Variants in TENM3 observed in about 807,000 individuals in gnomAD.
TENM3 encodes teneurin-3.
Under a neutral mutation model 255.1 loss-of-function variants are expected in TENM3, and 63 were observed. The ratio of observed to expected loss-of-function variants is 0.25; its 90% CI spans 0.20 to 0.30. The LOEUF (loss-of-function observed/expected upper bound fraction) is 0.30, where lower values mean the gene tolerates loss of function less well. TENM3 is among the 10% of genes least tolerant of loss of function. TENM3 has a pLI of 1.00. For synonymous variants in TENM3, 1,306 were observed against 1,322.3 expected (o/e 0.99, Z 0.27); for missense variants, 2,929 against 3,461.1 (o/e 0.85, Z 3.86).
intron 1 of TENM3, among the ~76,000 whole-genome samples, chr4:182,282,238 C>T (rs1458270540): frequency 6.6e-6 from 1 of 152,162 alleles, no homozygotes; most frequent in African/African-American, 2.4e-5. Context: ...TTCCCATAGG[C>T]ATGCCCAACC....
chr4:182,211,829 C>T (rs541355488), intron 1 of TENM3, among the ~76,000 whole-genome samples: 12 of 151,878 alleles, frequency 7.9e-5, no homozygotes, highest in Middle Eastern at 3.4e-3. Context: ...TTTTACTTAC[C>T]GTGTGACTTT....
chr4:182,061,975 GA>G, the TENM3 span, among the ~76,000 whole-genome samples: 1 of 152,042 alleles, frequency 6.6e-6, no homozygotes, highest in African/African-American at 2.4e-5. Flanking sequence ...TAAAAAATTA[GA>G]AAATTAAAAA....
chr4:181,519,995 G>T, the TENM3 span, among the ~76,000 whole-genome samples: 1 of 152,142 alleles, frequency 6.6e-6, no homozygotes, highest in Admixed American at 6.5e-5. Flanking sequence ...CCCAATATTT[G>T]CAGCAAAAAA....
chr4:182,445,432 AC>A (rs760813478), intron 3 of TENM3, among the ~76,000 whole-genome samples: 2 of 152,152 alleles, frequency 1.3e-5, no homozygotes, highest in African/African-American at 2.4e-5. Context: ...TTGTATTAGC[AC>A]CTCTGACAAT....
chr4:182,781,887 G>A (rs1302376290), intron 24 of TENM3, among the ~76,000 whole-genome samples: 1 of 151,356 alleles, frequency 6.6e-6, no homozygotes, highest in Non-Finnish European at 1.5e-5. Context: ...ATTTCTGTGG[G>A]ATCGGTGGTG....
At chr4:182,404,086 G>T (rs1769389506) in intron 3 of TENM3, among the ~76,000 whole-genome samples, 1 of 152,120 alleles carries the variant, frequency 6.6e-6, no homozygotes, top group South Asian at 2.1e-4. Flanking sequence ...TTTAGAATTT[G>T]CTAATTCCTT....
the TENM3 span, among the ~76,000 whole-genome samples, chr4:181,617,100 A>G: frequency 1.3e-5 from 2 of 152,164 alleles, no homozygotes; most frequent in Non-Finnish European, 2.9e-5. Flanking sequence ...CTAATGCACC[A>G]ATCTTCACAA....
At chr4:181,929,000 G>C in the TENM3 span, among the ~76,000 whole-genome samples, 2 of 152,084 alleles carry the variant, frequency 1.3e-5, no homozygotes, top group African/African-American at 4.8e-5. Context: ...GTCACCACTA[G>C]GCCTACCTTA....
At position 182,631,880 on chromosome 4, in the gene TENM3, C is replaced by T. The variant is rs138013532; in HGVS notation, c.988+2991C>T. 5.9e-3 allele frequency among the ~76,000 whole-genome samples: 895 copies of T among 152,250 alleles called. 5 individuals carry two copies. Among genetic ancestry groups the T allele is most frequent in the Non-Finnish European group, 0.01 (691 of 68,026 alleles). On this transcript the variant is annotated intron_variant, in intron 5 of 27. Coordinates refer to ENST00000511685, the MANE Select transcript of TENM3 (RefSeq NM_001080477.4). ...TTACGACAATGTAGATTTAACATGTCTCTTCTCTAAGGTAAGTTGTCTCAG... is the reference window on the plus strand; with the variant it reads ...TTACGACAATGTAGATTTAACATGTTTCTTCTCTAAGGTAAGTTGTCTCAG...
the TENM3 span, among the ~76,000 whole-genome samples, chr4:181,885,203 G>A: frequency 6.6e-6 from 1 of 152,030 alleles, no homozygotes; most frequent in African/African-American, 2.4e-5. Flanking sequence ...AAATTTTCTC[G>A]CTCAGTCCCA....
intron 3 of TENM3, among the ~76,000 whole-genome samples, chr4:182,447,802 C>T (rs2151294176): frequency 6.6e-6 from 1 of 152,150 alleles, no homozygotes; most frequent in Non-Finnish European, 1.5e-5. Flanking sequence ...ACCGGTGAAT[C>T]TAAAAATTCA....
chr4:182,225,997 C>T (rs1031799253), intron 1 of TENM3, among the ~76,000 whole-genome samples: 1 of 152,128 alleles, frequency 6.6e-6, no homozygotes, highest in Admixed American at 6.6e-5. Context: ...AAATACAGAC[C>T]AAGGGCAATT....
chr4:181,812,826 T>G, the TENM3 span, among the ~76,000 whole-genome samples: 1 of 151,986 alleles, frequency 6.6e-6, no homozygotes, highest in Admixed American at 6.6e-5. Context: ...GACTGAAAAA[T>G]AGTCTTCCTG....
At chr4:182,386,909 C>T (rs1034788271) in intron 3 of TENM3, among the ~76,000 whole-genome samples, 1 of 152,230 alleles carries the variant, frequency 6.6e-6, no homozygotes, top group Admixed American at 6.5e-5. Flanking sequence ...CCAGTCCCAT[C>T]GACCGCCCAA....
chr4:182,297,237 G>T (rs979593053), intron 1 of TENM3, among the ~76,000 whole-genome samples: 3 of 152,128 alleles, frequency 2.0e-5, no homozygotes, highest in African/African-American at 7.2e-5. Context: ...GTTTATCAGA[G>T]ACTGGTTCTG....
At chr4:181,896,174 G>A in the TENM3 span, among the ~76,000 whole-genome samples, 4 of 152,152 alleles carry the variant, frequency 2.6e-5, no homozygotes, top group Non-Finnish European at 5.9e-5. Context: ...CTGGGCTTCG[G>A]GACAGTGGGT....
chr4:182,060,775 G>A, the TENM3 span, among the ~76,000 whole-genome samples: 1 of 152,108 alleles, frequency 6.6e-6, no homozygotes, highest in African/African-American at 2.4e-5. Context: ...CATAATTGCG[G>A]GTATAAACCA....
chr4:181,648,475 A>G, the TENM3 span, among the ~76,000 whole-genome samples: 223 of 152,250 alleles, frequency 1.5e-3, 1 homozygote, highest in African/African-American at 5.0e-3. Context: ...AACAACAACA[A>G]CAAGCAACAA....
chr4:181,695,799 C>T, the TENM3 span, among the ~76,000 whole-genome samples: 1 of 152,130 alleles, frequency 6.6e-6, no homozygotes, highest in Admixed American at 6.5e-5. Context: ...TTTTTTGAAA[C>T]CGCTGATCTA....
Sources: gnomAD v4.1 joint callset for allele counts (sites outside exome capture counted in the v4.1 genomes callset) on GRCh38, gnomAD v4.1.1 for gene constraint, MANE v1.5 for transcripts, NCBI Gene and HGNC (gene_info 2026-07-23, HGNC 2026-07-21) for gene names.